KCND2: variants seen among roughly 807,000 people sequenced by gnomAD.
The protein encoded by KCND2 is A-type voltage-gated potassium channel KCND2.
In KCND2, 16 loss-of-function variants were observed where a neutral mutation model predicts 54.4. The observed-to-expected ratio is 0.29, with a 90% confidence interval of 0.20 to 0.45. KCND2 has a LOEUF of 0.45. Among genes scored for constraint, KCND2 ranks in the 20% least tolerant of loss-of-function variants. KCND2 has a pLI of 1.00. For synonymous variants in KCND2, 317 were observed against 310.7 expected (o/e 1.02, Z -0.21); for missense variants, 486 against 824.2 (o/e 0.59, Z 5.02).
chr7:120,392,889 C>G (rs969019145), intron 1 of KCND2, among the ~76,000 whole-genome samples: 4 of 151,974 alleles, frequency 2.6e-5, no homozygotes, highest in African/African-American at 9.7e-5. Context: ...AAACTATCCA[C>G]CAATCACTAT....
intron 1 of KCND2, among the ~76,000 whole-genome samples, chr7:120,648,538 A>T (rs1257052534): frequency 6.6e-6 from 1 of 152,226 alleles, no homozygotes; most frequent in Non-Finnish European, 1.5e-5. Context: ...CCCTGAAAGG[A>T]GTAGATGAGG....
At chr7:120,379,050 T>G (rs1260327131) in intron 1 of KCND2, among the ~76,000 whole-genome samples, 1 of 151,986 alleles carries the variant, frequency 6.6e-6, no homozygotes, top group Non-Finnish European at 1.5e-5. Context: ...CATGCAAAAT[T>G]TTTATATATG....
chr7:120,373,331 C>T (rs1254323536), intron 1 of KCND2, among the ~76,000 whole-genome samples: 1 of 151,738 alleles, frequency 6.6e-6, no homozygotes, highest in Non-Finnish European at 1.5e-5. Flanking sequence ...GGCCCTGCTG[C>T]TATTTCTTAC....
intron 1 of KCND2, among the ~76,000 whole-genome samples, chr7:120,643,680 T>A (rs1030362848): frequency 5.3e-5 from 8 of 151,852 alleles, no homozygotes; most frequent in African/African-American, 1.9e-4. Context: ...TCAGAAAATT[T>A]ATTTTAAATA....
intron 1 of KCND2, among the ~76,000 whole-genome samples, chr7:120,526,229 T>C (rs1156475818): frequency 1.3e-5 from 2 of 152,152 alleles, no homozygotes; most frequent in African/African-American, 4.8e-5. Flanking sequence ...ATTCAACTGA[T>C]CTATTTTGAT....
intron 1 of KCND2, among the ~76,000 whole-genome samples, chr7:120,554,410 T>A (rs971521803): frequency 5.9e-5 from 9 of 151,764 alleles, no homozygotes; most frequent in African/African-American, 1.9e-4. Context: ...TTTTTTTTTT[T>A]AATTTATTTT....
chr7:120,410,522 C>A (rs1479572456), intron 1 of KCND2, among the ~76,000 whole-genome samples: 1 of 151,634 alleles, frequency 6.6e-6, no homozygotes, highest in Non-Finnish European at 1.5e-5. Context: ...TATGGTATAT[C>A]TCTACATTTA....
chr7:120,584,304 G>A (rs1792562969), intron 1 of KCND2, among the ~76,000 whole-genome samples: 2 of 152,120 alleles, frequency 1.3e-5, no homozygotes, highest in African/African-American at 2.4e-5. Context: ...GATTGTGTTC[G>A]GTCATGGTTT....
chr7:120,642,402 A>G (rs1013127709), intron 1 of KCND2, among the ~76,000 whole-genome samples: 1 of 150,748 alleles, frequency 6.6e-6, no homozygotes, highest in Non-Finnish European at 1.5e-5. Context: ...CTACTAAAAA[A>G]AAAAAAAAAA....
intron 1 of KCND2, among the ~76,000 whole-genome samples, chr7:120,424,887 G>A (rs1235359374): frequency 1.3e-5 from 2 of 152,156 alleles, no homozygotes; most frequent in African/African-American, 4.8e-5. Flanking sequence ...TTGACATTGA[G>A]CTATGTTTGT....
intron 1 of KCND2, among the ~76,000 whole-genome samples, chr7:120,319,556 C>CT (rs1460315878): frequency 1.4e-4 from 21 of 152,026 alleles, no homozygotes; most frequent in Non-Finnish European, 2.4e-4. Context: ...TCTTTTTCTG[C>CT]TTCTAAAGGC....
chr7:120,595,563 ATG>A (rs570632416), intron 1 of KCND2, among the ~76,000 whole-genome samples: 1,464 of 127,616 alleles, frequency 0.011, 15 homozygotes, highest in Middle Eastern at 0.027. Flanking sequence ...GTGTATATAT[ATG>A]TGTGTGTATA....
intron 1 of KCND2, among the ~76,000 whole-genome samples, chr7:120,358,131 AC>A (rs1800533844): frequency 2.0e-5 from 3 of 152,146 alleles, no homozygotes; most frequent in Admixed American, 6.6e-5. Context: ...GAAAAAACTG[AC>A]ACAGAGACAG....
At chr7:120,733,717 G>A (rs555214022) in intron 2 of KCND2, among the ~76,000 whole-genome samples, 1 of 152,074 alleles carries the variant, frequency 6.6e-6, no homozygotes, top group Non-Finnish European at 1.5e-5. Flanking sequence ...ATCTGTAGCT[G>A]AATTTTATTC....
At chr7:120,629,669 G>C (rs1217424304) in intron 1 of KCND2, among the ~76,000 whole-genome samples, 2 of 152,196 alleles carry the variant, frequency 1.3e-5, no homozygotes, top group Non-Finnish European at 2.9e-5. Context: ...TAGATAGCAG[G>C]CTGTTGCAGT....
At chr7:120,356,896 C>T (rs975848404) in intron 1 of KCND2, among the ~76,000 whole-genome samples, 7 of 152,178 alleles carry the variant, frequency 4.6e-5, no homozygotes, top group African/African-American at 4.8e-5. Context: ...GGCTGGTTAG[C>T]GTTACTGGGG....
At chr7:120,318,634 A>G (rs1173601761) in intron 1 of KCND2, among the ~76,000 whole-genome samples, 1 of 152,130 alleles carries the variant, frequency 6.6e-6, no homozygotes, top group East Asian at 1.9e-4. Context: ...TGAGAACCAA[A>G]TAAAATCTGA....
chr7:120,416,319 T>C (rs1174440697), intron 1 of KCND2, among the ~76,000 whole-genome samples: 1 of 152,190 alleles, frequency 6.6e-6, no homozygotes, highest in Non-Finnish European at 1.5e-5. Flanking sequence ...TGCACATATT[T>C]TTGCCTCTAC....
intron 1 of KCND2, among the ~76,000 whole-genome samples, chr7:120,569,912 C>T (rs1012768605): frequency 3.3e-5 from 5 of 152,004 alleles, no homozygotes; most frequent in African/African-American, 9.7e-5. Context: ...GGGGATCTTT[C>T]GGACACAGAT....
Sources: gnomAD v4.1 joint callset for allele counts (sites outside exome capture counted in the v4.1 genomes callset) on GRCh38, gnomAD v4.1.1 for gene constraint, MANE v1.5 for transcripts, NCBI Gene and HGNC (gene_info 2026-07-23, HGNC 2026-07-21) for gene names.